PCDHB13: variants seen among roughly 807,000 people sequenced by gnomAD.
PCDHB13 encodes the protein protocadherin beta-13.
For missense variants in PCDHB13, 1,065 were observed against 1,016.7 expected, an observed-to-expected ratio of 1.05 and a Z score of -0.65; for synonymous variants, 515 against 450.7, an observed-to-expected ratio of 1.14 and a Z score of -1.81.
rs1754582160 is a variant in PCDHB13 at position 141,215,668 on chromosome 5, C to T, written c.1545C>T (p.Ala515=). The change falls in exon 1 of 1, where the codon GCC becomes GCT. Residue 515 remains alanine, a synonymous_variant. Transcript: ENST00000341948. ...SINADNGHLF[A]LRSLDYEALQ... ...ACGCGGACAACGGCCACCTGTTCGCCCTCAGGTCTCTGGACTACGAGGCCC... is the reference window on the plus strand; with the variant it reads ...ACGCGGACAACGGCCACCTGTTCGCTCTCAGGTCTCTGGACTACGAGGCCC... 3 of 1,613,336 alleles carry T rather than the reference C, an allele frequency of 1.9e-6. No homozygotes were observed. The highest frequency in any genetic ancestry group is 2.5e-6 in the Non-Finnish European group (3 of 1,180,010).
In PCDHB13 at chr5:141,214,708, G is replaced by C; in HGVS notation, c.585G>C (p.Leu195=). The C allele has an allele frequency of 1.9e-6, 3 of 1,614,102 alleles. No homozygotes were observed. Among genetic ancestry groups the C allele is most frequent in the Non-Finnish European group, 1.7e-6 (2 of 1,179,974 alleles). The change falls in exon 1 of 1, where the codon CTG becomes CTC. Residue 195 remains leucine (L), a synonymous_variant. Coordinates refer to ENST00000341948, the MANE Select transcript of PCDHB13 (RefSeq NM_018933.4). ...KRSDGRKYPE[L]VLDKALDREE... is the part of the protein sequence containing the mutation. Reference sequence around the variant, plus strand: ...GTGATGGCAGGAAATACCCAGAGCTGGTGCTGGACAAAGCGCTGGACCGAG... The same window carrying C: ...GTGATGGCAGGAAATACCCAGAGCTCGTGCTGGACAAAGCGCTGGACCGAG...
Position 141,215,676 on chromosome 5 carries a change from C to T in PCDHB13, c.1553C>T (p.Ser518Phe). 1 of 1,613,238 alleles carries T rather than the reference C, an allele frequency of 6.2e-7. No homozygotes were observed. Among genetic ancestry groups the T allele is most frequent in the Non-Finnish European group, 8.5e-7 (1 of 1,179,970 alleles). The stretch of plus-strand genomic sequence containing the variant: ...AACGGCCACCTGTTCGCCCTCAGGT[C>T]TCTGGACTACGAGGCCCTGCAGGGG... ...ADNGHLFALR[S>F]LDYEALQGFQ... The change falls in exon 1 of 1, where the codon TCT becomes TTT. Residue 518 changes from serine to phenylalanine, a missense_variant. Physicochemically the swap from Ser to Phe is radical, Grantham distance 155. Transcript: ENST00000341948.
In PCDHB13 at chr5:141,214,164, T is replaced by G; in HGVS notation, c.41T>G (p.Val14Gly). 1 of 1,613,542 alleles carries G rather than the reference T, an allele frequency of 6.2e-7. No individual in the cohort carries two copies. Among genetic ancestry groups the G allele is most frequent in the Non-Finnish European group, 8.5e-7 (1 of 1,179,826 alleles). Residue 14 changes from valine (V) to glycine (G), a missense_variant, in exon 1 of 1, where the codon GTC becomes GGC. Val to Gly is a moderately radical substitution (Grantham distance 109, BLOSUM62 -3). Transcript: ENST00000341948. Reference protein sequence around the residue: ...SGKLICRQRQVLFSFLLLGLS... With the variant: ...SGKLICRQRQGLFSFLLLGLS... ...AAGCTCATTTGCAGACAAAGGCAAG[T>G]CCTTTTTTCCTTTCTCCTTTTGGGC...
At position 141,216,756 on chromosome 5, in the gene PCDHB13, G is replaced by C. The variant is rs555433624; in HGVS notation, c.*236G>C. On this transcript the variant is annotated 3_prime_UTR_variant, in exon 1 of 1. Coordinates refer to ENST00000341948, the MANE Select transcript of PCDHB13 (RefSeq NM_018933.4). ...TTTGTAATTAATTTGCCTCCCTAAA[G>C]AGCAATACCAAATCACATTTTTTTC... 1.7e-6 allele frequency: 1 copy of C among 591,468 alleles called. No homozygotes were observed. Among genetic ancestry groups the C allele is most frequent in the Non-Finnish European group, 3.1e-6 (1 of 322,890 alleles). The allele number at this position is 591,468 out of a possible 1,614,324, so 36.6% of individuals were successfully genotyped here. A position where few individuals can be genotyped will look rare whatever the true frequency, so the allele number is the denominator to read the frequency against.
In PCDHB13 at chr5:141,214,899, G is replaced by A; in HGVS notation, c.776G>A (p.Gly259Asp). 3.7e-6 allele frequency: 6 copies of A among 1,613,948 alleles called. No homozygotes were observed. Among genetic ancestry groups the A allele is most frequent in the East Asian group, 2.2e-5 (1 of 44,864 alleles). Residue 259 changes from glycine to aspartate, a missense_variant, in exon 1 of 1, where the codon GGC becomes GAC. Transcript: ENST00000341948. ...RVQISEDSPV[G>D]FLVVKVSATD... Reference sequence around the variant, plus strand: ...CAGATCTCTGAGGACAGTCCGGTAGGCTTCCTGGTTGTGAAGGTCTCTGCC... The same window carrying A: ...CAGATCTCTGAGGACAGTCCGGTAGACTTCCTGGTTGTGAAGGTCTCTGCC...
At position 141,216,592 on chromosome 5, in the gene PCDHB13, A is replaced by C; in HGVS notation, c.*72A>C. The stretch of plus-strand genomic sequence containing the variant: ...TCCATGCCAATGTTTATTTCCCCCA[A>C]TTTGTGTGTATGTAATATTGTACGG... On this transcript the variant is annotated 3_prime_UTR_variant, in exon 1 of 1. Coordinates refer to ENST00000341948, the MANE Select transcript of PCDHB13 (RefSeq NM_018933.4). 1.7e-6 allele frequency: 2 copies of C among 1,198,110 alleles called. No homozygotes were observed. Among genetic ancestry groups the C allele is most frequent in the Non-Finnish European group, 2.5e-6 (2 of 800,042 alleles). The allele number at this position is 1,198,110 out of a possible 1,614,324, so 74.2% of individuals were successfully genotyped here.
In PCDHB13 at chr5:141,214,318, T is replaced by C; in HGVS notation, c.195T>C (p.Val65=). 1 of 1,450,276 alleles carries C rather than the reference T, an allele frequency of 6.9e-7. No homozygotes were observed. The allele number at this position is 1,450,276 out of a possible 1,614,324, so 89.8% of individuals were successfully genotyped here. The change falls in exon 1 of 1, where the codon GTT becomes GTC. Residue 65 remains valine, a synonymous_variant. Transcript: ENST00000341948. ...LEQREFSRRG[V]RVVSRGNKLH... ...AGAGGGAATTCTCCAGGCGGGGGGT[T>C]AGGGTTGTTTCCAGAGGGAACAAAC...
chr5:141,216,463 G>A lies in PCDHB13; in HGVS notation c.2340G>A (p.Gly780=). The change falls in exon 1 of 1, where the codon GGG becomes GGA. Residue 780 remains glycine, a synonymous_variant. Coordinates refer to ENST00000341948, the MANE Select transcript of PCDHB13 (RefSeq NM_018933.4). The part of the protein sequence containing the change: ...IIPNFPPQCP[G]KEIQGNSTFP... ...CCAACTTCCCTCCCCAGTGCCCTGG[G>A]AAAGAAATACAAGGAAATTCTACCT... 1 of 1,614,082 alleles carries A rather than the reference G, an allele frequency of 6.2e-7. No homozygotes were observed. Among genetic ancestry groups the A allele is most frequent in the Non-Finnish European group, 8.5e-7 (1 of 1,180,014 alleles).
chr5:141,214,647 C>G lies in PCDHB13; in HGVS notation c.524C>G (p.Pro175Arg). The G allele has an allele frequency of 1.2e-6, 2 of 1,614,080 alleles. No homozygotes were observed. Among genetic ancestry groups the G allele is most frequent in the Non-Finnish European group, 1.7e-6 (2 of 1,180,026 alleles). The change falls in exon 1 of 1, where the codon CCC (proline) becomes CGC (arginine). Residue 175 changes from proline (P) to arginine (R), a missense_variant. Physicochemically the swap from Pro to Arg is moderately radical, Grantham distance 103 (BLOSUM62 -2). Coordinates refer to ENST00000341948, the MANE Select transcript of PCDHB13 (RefSeq NM_018933.4). ...AATATTGAGAACTATATAATCAGCC[C>G]CAACTCCTATTTTCGGGTCCTCACC... ...QNNIENYIIS[P>R]NSYFRVLTRK...
At position 141,215,193 on chromosome 5, in the gene PCDHB13, T is replaced by C; in HGVS notation, c.1070T>C (p.Ile357Thr). 6.2e-7 allele frequency: 1 copy of C among 1,614,116 alleles called. No homozygotes were observed. Among genetic ancestry groups the C allele is most frequent in the Non-Finnish European group, 8.5e-7 (1 of 1,180,024 alleles). The change falls in exon 1 of 1, where the codon ATA becomes ACA. Residue 357 changes from isoleucine to threonine, a missense_variant. Coordinates refer to ENST00000341948, the MANE Select transcript of PCDHB13 (RefSeq NM_018933.4). ...ACCATGTCTGCATTTACCAGCCCAA[T>C]ACCTGAGAACGCGCCTGAAACTGTG... ...EVTMSAFTSPIPENAPETVVA... is the reference protein window; with the variant it reads ...EVTMSAFTSPTPENAPETVVA...
rs1754615397 is a variant in PCDHB13, at chr5:141,216,384, G to T, written c.2261G>T (p.Cys754Phe). Residue 754 changes from cysteine (C) to phenylalanine (F), a missense_variant, in exon 1 of 1, where the codon TGT becomes TTT. Transcript: ENST00000341948. Reference sequence around the variant, plus strand: ...TCCCAGAGCTACCAGTATGAGGTGTGTCTGGCAGGAGGCTCAGGGACCAAT... The same window carrying T: ...TCCCAGAGCTACCAGTATGAGGTGTTTCTGGCAGGAGGCTCAGGGACCAAT... ...TLSQSYQYEV[C>F]LAGGSGTNEF... 6.2e-7 allele frequency: 1 copy of T among 1,614,194 alleles called. No homozygotes were observed. The highest frequency in any genetic ancestry group is 8.5e-7 in the Non-Finnish European group (1 of 1,180,040).
In PCDHB13 at chr5:141,215,614, C is replaced by A. The variant is rs781902136; in HGVS notation, c.1491C>A (p.His497Gln). The A allele has an allele frequency of 1.2e-6, 2 of 1,613,468 alleles. No homozygotes were observed. The highest frequency in any genetic ancestry group is 2.2e-5 in the East Asian group (1 of 44,870). Residue 497 changes from histidine to glutamine, a missense_variant, in exon 1 of 1, where the codon CAC becomes CAA. Transcript: ENST00000341948. ...CGCTGCTGCCGCCCCAGGACCCGCA[C>A]CTGCCCCTCACATCCCTGGTCTCCA... The part of the protein sequence containing the change: ...TYSLLPPQDP[H>Q]LPLTSLVSIN...
Position 141,216,043 on chromosome 5 carries a change from G to A in PCDHB13, c.1920G>A (p.Leu640=), listed in dbSNP as rs782606651. The A allele has an allele frequency of 2.6e-5, 41 of 1,606,558 alleles. No homozygotes were observed. The highest frequency in any genetic ancestry group is 3.3e-5 in the Non-Finnish European group (39 of 1,179,498). The change falls in exon 1 of 1, where the codon CTG becomes CTA. Residue 640 remains leucine, a synonymous_variant. Transcript: ENST00000341948. ...LSERDAAKHR[L]VVLVKDNGEP... ...AGCGCGACGCGGCCAAGCACAGGCT[G>A]GTGGTGCTGGTCAAGGACAATGGCG...
chr5:141,216,140 C>G lies in PCDHB13; in HGVS notation c.2017C>G (p.Leu673Val), dbSNP rs782029280. The G allele has an allele frequency of 2.5e-6, 4 of 1,610,988 alleles. No individual in the cohort carries two copies. Among genetic ancestry groups the G allele is most frequent in the Non-Finnish European group, 3.4e-6 (4 of 1,179,796 alleles). Residue 673 changes from leucine (L) to valine (V), a missense_variant, in exon 1 of 1, where the codon CTC becomes GTC. By Grantham distance (32) the Leu-to-Val change is conservative. Coordinates refer to ENST00000341948, the MANE Select transcript of PCDHB13 (RefSeq NM_018933.4). ...VDGFSQPYLP[L>V]PEAAPTQAQA... is the part of the protein sequence containing the mutation. ...CGGCTTCTCCCAGCCCTACCTGCCTCTCCCGGAGGCGGCCCCGACCCAGGC... is the reference window on the plus strand; with the variant it reads ...CGGCTTCTCCCAGCCCTACCTGCCTGTCCCGGAGGCGGCCCCGACCCAGGC...
In PCDHB13 at chr5:141,216,236, G is replaced by A. The variant is rs782680010; in HGVS notation, c.2113G>A (p.Val705Met). The change falls in exon 1 of 1, where the codon GTG becomes ATG. Residue 705 changes from valine to methionine, a missense_variant. Val to Met is a conservative substitution (Grantham distance 21, BLOSUM62 1). Transcript: ENST00000341948. ...ASVSSLFLFS[V>M]LLFVAVRLCR... ...GGTGTCTTCGCTCTTCCTCTTTTCG[G>A]TGCTCCTGTTCGTGGCGGTGCGGCT... is the stretch of plus-strand genomic sequence containing the variant. 1.9e-6 allele frequency: 3 copies of A among 1,613,186 alleles called. No homozygotes were observed. The Admixed American group carries it at 5.0e-5, about 27-fold the overall frequency.
rs782521850 is a variant in PCDHB13 at position 141,215,505 on chromosome 5, G to A, written c.1382G>A (p.Arg461His). 1.2e-6 allele frequency: 2 copies of A among 1,614,030 alleles called. No homozygotes were observed. The highest frequency in any genetic ancestry group is 1.7e-4 in the Middle Eastern group (1 of 6,058). Residue 461 changes from arginine to histidine, a missense_variant, in exon 1 of 1, where the codon CGC becomes CAC. Transcript: ENST00000341948. The part of the protein sequence containing the change: ...FTQTSYTLFV[R>H]ENNSPALHIR... ...CAAACCTCCTACACCCTGTTCGTCC[G>A]CGAGAACAACAGCCCCGCCCTGCAC...
Position 141,215,419 on chromosome 5 carries a change from A to T in PCDHB13, c.1296A>T (p.Ile432=), listed in dbSNP as rs1754570823. The T allele has an allele frequency of 6.2e-7, 1 of 1,614,058 alleles. No homozygotes were observed. Among genetic ancestry groups the T allele is most frequent in the Non-Finnish European group, 8.5e-7 (1 of 1,180,042 alleles). The part of the protein sequence containing the change: ...TVTDLGTPML[I]TQLNMTVLIA... ...CTGACTTGGGGACCCCTATGCTGAT[A>T]ACACAGCTCAATATGACCGTGCTGA... The change falls in exon 1 of 1, where the codon ATA becomes ATT. Residue 432 remains isoleucine, a synonymous_variant. Transcript: ENST00000341948.
rs782073448 is a variant in PCDHB13 at position 141,215,539 on chromosome 5, C to G, written c.1416C>G (p.Ser472Arg). The change falls in exon 1 of 1, where the codon AGC (serine) becomes AGG (arginine). Residue 472 changes from serine (S) to arginine (R), a missense_variant. Coordinates refer to ENST00000341948, the MANE Select transcript of PCDHB13 (RefSeq NM_018933.4). ...ENNSPALHIR[S>R]VSATDRDSGT... ...ACAGCCCCGCCCTGCACATCCGCAG[C>G]GTCAGCGCTACAGACAGAGACTCAG... The G allele has an allele frequency of 9.9e-6, 16 of 1,613,710 alleles. No individual in the cohort carries two copies. In the East Asian group the frequency reaches 3.3e-4, roughly 34 times the overall value.
Position 141,216,696 on chromosome 5 carries a change from G to T in PCDHB13, c.*176G>T. On this transcript the variant is annotated 3_prime_UTR_variant, in exon 1 of 1. Transcript: ENST00000341948. ...TTACCTTTATTCCTGGTTCTTAAAA[G>T]GTGACAATTCATTCTTTAACCCAGA... 1 of 743,254 alleles carries T rather than the reference G, an allele frequency of 1.3e-6. No homozygotes were observed. The highest frequency in any genetic ancestry group is 2.4e-6 in the Non-Finnish European group (1 of 415,150). The allele number at this position is 743,254 out of a possible 1,614,324, so 46.0% of individuals were successfully genotyped here. A position where few individuals can be genotyped will look rare whatever the true frequency, so the allele number is the denominator to read the frequency against.
Sources: allele counts gnomAD v4.1 joint callset, GRCh38; gene constraint gnomAD v4.1.1; transcripts MANE v1.5; gene names NCBI Gene and HGNC (gene_info 2026-07-23, HGNC 2026-07-21).